Variants in ABCG1 observed in about 807,000 individuals in gnomAD.
ABCG1 encodes the protein ATP-binding cassette sub-family G member 1.
In ABCG1, 29 loss-of-function variants were observed where a neutral mutation model predicts 69.2. The observed-to-expected ratio is 0.42, with a 90% confidence interval of 0.31 to 0.57. The LOEUF (loss-of-function observed/expected upper bound fraction) is 0.57. ABCG1 is among the 20% of genes least tolerant of loss of function. ABCG1 has a pLI of 0.15. For missense variants in ABCG1, 718 were observed against 898.1 expected (o/e 0.80, Z 2.56); for synonymous variants, 370 against 374.8 (o/e 0.99, Z 0.15).
intron 6 of ABCG1, among the ~76,000 whole-genome samples, 185 bp from the exon 7 acceptor site, chr21:42,284,375 G>A (rs2068896295): frequency 6.6e-6 from 1 of 152,142 alleles, no homozygotes. Context: ...AAGCCCTGCT[G>A]TGTGCCCTGC....
At chr21:42,271,698 A>C (rs1328276411) in intron 3 of ABCG1, among the ~76,000 whole-genome samples, 1 of 152,202 alleles carries the variant, frequency 6.6e-6, no homozygotes, top group Non-Finnish European at 1.5e-5. Context: ...CCTGGCCAAC[A>C]TGATGAAACC....
At chr21:42,233,879 T>C (rs938107207) in intron 2 of ABCG1, among the ~76,000 whole-genome samples, 3 of 152,242 alleles carry the variant, frequency 2.0e-5, no homozygotes, top group African/African-American at 7.2e-5. Context: ...CTTTTACTGT[T>C]ATAAGGCAAC....
chr21:42,243,445 CGCGTGTGTGTGTGTGTGTGTGT>C (rs1232348653), intron 2 of ABCG1, among the ~76,000 whole-genome samples: 1 of 79,662 alleles, frequency 1.3e-5, no homozygotes, highest in East Asian at 4.3e-4. Flanking sequence ...CGTGTGTGTG[CGCGTGTGTGTGTGTGTGTGTGT>C]GTGTGTGTGT....
chr21:42,287,681 G>A lies in ABCG1; in HGVS notation c.974-208G>A, dbSNP rs533851212. Reference sequence around the variant, plus strand: ...AGCACAGTGTGTGTTTGCGTTTCCCGTCTCCTGACATGATAAAGGGCCTTG... The same window carrying A: ...AGCACAGTGTGTGTTTGCGTTTCCCATCTCCTGACATGATAAAGGGCCTTG... On this transcript the variant is annotated intron_variant, in intron 8 of 14. Transcript: ENST00000398449. The surrounding 1 kb of genome is among the most constrained non-coding windows in gnomAD (Gnocchi z 6.2). 2.4e-4 allele frequency among the ~76,000 whole-genome samples: 37 copies of A among 152,338 alleles called. No individual in the cohort carries two copies. The highest frequency in any genetic ancestry group is 7.9e-4 in the African/African-American group (33 of 41,564).
At position 42,294,536 on chromosome 21, in the gene ABCG1, C is replaced by T. The variant is rs1281194226; in HGVS notation, c.1654-6C>T. ...CTACATCTGTCCTGTGTGCCCCCAA[C>T]TCCAGGTGGCCACTTTCGTGGGCCC... is the stretch of plus-strand genomic sequence containing the variant. On this transcript the variant is annotated splice_polypyrimidine_tract_variant and splice_region_variant and intron_variant, in intron 13 of 14. Transcript: ENST00000398449. 3 of 1,612,294 alleles carry T rather than the reference C, an allele frequency of 1.9e-6. No homozygotes were observed. The Admixed American group carries it at 5.0e-5, about 27-fold the overall frequency.
chr21:42,214,811 A>C (rs2067622239), upstream of ABCG1, among the ~76,000 whole-genome samples: 1 of 152,076 alleles, frequency 6.6e-6, no homozygotes, highest in Non-Finnish European at 1.5e-5. Flanking sequence ...CCATTCTCCT[A>C]CCCAGTTTCC....
chr21:42,212,980 A>ACC (rs1210842000), upstream of ABCG1, among the ~76,000 whole-genome samples: 15 of 152,370 alleles, frequency 9.8e-5, no homozygotes, highest in East Asian at 1.9e-3. Context: ...GGCATGAGCC[A>ACC]CCGCACCTGG....
upstream of ABCG1, among the ~76,000 whole-genome samples, chr21:42,217,360 C>T (rs1396850454): frequency 6.6e-6 from 1 of 152,152 alleles, no homozygotes; most frequent in African/African-American, 2.4e-5. Flanking sequence ...GACAGTTCCT[C>T]CCCGGCTGTG....
At chr21:42,200,230 A>C (rs543592160) in intron 1 of ABCG1, among the ~76,000 whole-genome samples, 12 of 152,178 alleles carry the variant, frequency 7.9e-5, no homozygotes, top group Non-Finnish European at 1.5e-4. Flanking sequence ...CCTGGTGAGC[A>C]TGTGCGGCCA....
chr21:42,278,279 C>T (rs1440207710), intron 5 of ABCG1, among the ~76,000 whole-genome samples: 1 of 152,034 alleles, frequency 6.6e-6, no homozygotes, highest in African/African-American at 2.4e-5. Flanking sequence ...AACAATGTAA[C>T]GTAGACACCC....
chr21:42,219,163 C>A lies in ABCG1; in HGVS notation c.-100C>A. The stretch of plus-strand genomic sequence containing the variant: ...CCGGAGCCCAAGCGCAGCCCGCACC[C>A]CGCGCAGCGGCTGAGCCGGGAGCCA... On this transcript the variant is annotated 5_prime_UTR_variant, in exon 1 of 15. Coordinates refer to ENST00000398449, the MANE Select transcript of ABCG1 (RefSeq NM_016818.3). This position sits in a 1 kb window ranked among gnomAD's most constrained non-coding sequence, Gnocchi z 5.3. 1 of 1,112,244 alleles carries A rather than the reference C, an allele frequency of 9.0e-7. No individual in the cohort carries two copies. Among genetic ancestry groups the A allele is most frequent in the Non-Finnish European group, 1.1e-6 (1 of 891,336 alleles). The allele number at this position is 1,112,244 out of a possible 1,614,324, so 68.9% of individuals were successfully genotyped here. A position where few individuals can be genotyped will look rare whatever the true frequency, so the allele number is the denominator to read the frequency against.
intron 2 of ABCG1, among the ~76,000 whole-genome samples, chr21:42,266,427 T>G (rs894567742): frequency 6.6e-6 from 1 of 152,180 alleles, no homozygotes; most frequent in African/African-American, 2.4e-5. Flanking sequence ...AGTGAGTAGC[T>G]CTGAAGGACC....
chr21:42,208,239 T>G (rs74476338), intron 2 of ABCG1, among the ~76,000 whole-genome samples: 781 of 150,604 alleles, frequency 5.2e-3, no homozygotes, highest in Admixed American at 0.011. Context: ...TTTTTTTTTT[T>G]GGTCTGTGCT....
chr21:42,264,345 C>T (rs746667726), intron 2 of ABCG1, among the ~76,000 whole-genome samples: 2 of 152,242 alleles, frequency 1.3e-5, no homozygotes, highest in Admixed American at 6.5e-5. Flanking sequence ...GCTTCATCTG[C>T]GTGGTTTTTA....
chr21:42,261,392 C>G (rs982962578), intron 2 of ABCG1, among the ~76,000 whole-genome samples: 1 of 152,204 alleles, frequency 6.6e-6, no homozygotes, highest in Admixed American at 6.5e-5. Context: ...CCGGTGGGAA[C>G]AGTACTGTCT....
chr21:42,203,916 C>T (rs1441375554), intron 2 of ABCG1, among the ~76,000 whole-genome samples: 3 of 151,964 alleles, frequency 2.0e-5, no homozygotes, highest in African/African-American at 7.3e-5. Context: ...TCTTTTTTTA[C>T]TTCTTTTATC....
Position 42,296,105 on chromosome 21 carries a change from A to G in ABCG1, c.1773-59A>G. 6.8e-7 allele frequency: 1 copy of G among 1,471,254 alleles called. No homozygotes were observed. Among genetic ancestry groups the G allele is most frequent in the Non-Finnish European group, 9.5e-7 (1 of 1,050,940 alleles). 91.1% of individuals were successfully genotyped at this position (1,471,254 alleles called of 1,614,324 possible). A position where few individuals can be genotyped will look rare whatever the true frequency, so the allele number is the denominator to read the frequency against. On this transcript the variant is annotated intron_variant, in intron 14 of 14. Coordinates refer to ENST00000398449, the MANE Select transcript of ABCG1 (RefSeq NM_016818.3). This position sits in a 1 kb window ranked among gnomAD's most constrained non-coding sequence, Gnocchi z 5.4. ...GGGAGGGTGAACGACATTGACCTTC[A>G]GCCAACGGCGTGGCTGGCTGGGAGA...
intron 2 of ABCG1, among the ~76,000 whole-genome samples, chr21:42,257,330 G>C (rs225379): frequency 0.052 from 7,994 of 152,326 alleles, 297 homozygotes; most frequent in Non-Finnish European, 0.079. Context: ...CTGGGCTGGA[G>C]TCTATGTAGA....
intron 3 of ABCG1, among the ~76,000 whole-genome samples, chr21:42,271,790 A>G (rs888663274): frequency 6.6e-6 from 1 of 152,204 alleles, no homozygotes; most frequent in African/African-American, 2.4e-5. Context: ...AGGCTGAGGC[A>G]GGAGAATCAT....
Sources: allele counts gnomAD v4.1 joint callset (sites outside exome capture counted in the v4.1 genomes callset), GRCh38; gene constraint gnomAD v4.1.1; non-coding constraint Gnocchi (gnomAD v3.1); transcripts MANE v1.5; gene names NCBI Gene and HGNC (gene_info 2026-07-23, HGNC 2026-07-21).